EPHA5: variants seen among roughly 807,000 people sequenced by gnomAD.
EPHA5 encodes ephrin type-A receptor 5.
EPHA5 carries 60 observed loss-of-function variants against 105.0 expected under a neutral mutation model. The observed-to-expected ratio is 0.57, with a 90% CI of 0.46 to 0.71. EPHA5 has a LOEUF of 0.71. EPHA5 is among the 30% of genes least tolerant of loss of function. EPHA5 has a pLI of 0.00. For synonymous variants in EPHA5, 513 were observed against 449.1 expected (o/e 1.14, Z -1.80); for missense variants, 1,218 against 1,274.7 (o/e 0.96, Z 0.68).
chr4:65,627,704 G>C (rs934121255), intron 2 of EPHA5, among the ~76,000 whole-genome samples: 6 of 151,984 alleles, frequency 3.9e-5, no homozygotes. Context: ...ATAAAAATTA[G>C]CAAAATGCCA....
At chr4:65,365,559 G>A (rs113419709) in intron 10 of EPHA5, among the ~76,000 whole-genome samples, 133 of 146,000 alleles carry the variant, frequency 9.1e-4, no homozygotes, top group African/African-American at 2.6e-3. Flanking sequence ...GAAGAGAAAA[G>A]CCAACCAGGT....
chr4:65,522,882 G>A (rs896354343), intron 3 of EPHA5, among the ~76,000 whole-genome samples: 3 of 151,834 alleles, frequency 2.0e-5, no homozygotes, highest in African/African-American at 4.8e-5. Context: ...CCTATTACAC[G>A]TTTTATTTTA....
At position 65,329,060 on chromosome 4, in the gene EPHA5, C is replaced by T. The variant is rs73214248; in HGVS notation, c.2945+2913G>A. Among the ~76,000 whole-genome samples, 376 of 151,216 alleles carry T rather than the reference C, an allele frequency of 2.5e-3. 2 individuals are homozygous for T. Among genetic ancestry groups the T allele is most frequent in the African/African-American group, 7.9e-3 (329 of 41,402 alleles). On this transcript the variant is annotated intron_variant, in intron 16 of 16. Transcript: ENST00000613740. ...TAACCAAAGGCTGACAGTACTGATACGAAAATAAGTTTAAAAAGTAGCTGT... is the reference window on the plus strand; with the variant it reads ...TAACCAAAGGCTGACAGTACTGATATGAAAATAAGTTTAAAAAGTAGCTGT...
At chr4:65,474,618 T>C (rs747481348) in intron 5 of EPHA5, among the ~76,000 whole-genome samples, 1 of 152,168 alleles carries the variant, frequency 6.6e-6, no homozygotes, top group Non-Finnish European at 1.5e-5. Flanking sequence ...ATCAAAAACA[T>C]TTCACATCTT....
chr4:65,567,460 A>G (rs1266811218), intron 3 of EPHA5, among the ~76,000 whole-genome samples: 1 of 151,550 alleles, frequency 6.6e-6, no homozygotes, highest in Non-Finnish European at 1.5e-5. Context: ...TGGCTTTGTG[A>G]GTATTCTACC....
chr4:65,437,899 T>C (rs181868877), intron 5 of EPHA5, among the ~76,000 whole-genome samples: 18 of 152,086 alleles, frequency 1.2e-4, no homozygotes, highest in East Asian at 3.9e-4. Context: ...ATTTACATAG[T>C]TAAAATTTAA....
intron 8 of EPHA5, among the ~76,000 whole-genome samples, chr4:65,399,074 C>T (rs1721545455): frequency 6.6e-6 from 1 of 152,148 alleles, no homozygotes; most frequent in African/African-American, 2.4e-5. Flanking sequence ...TTTGGGGAGC[C>T]CAGACCTATG....
At chr4:65,596,124 A>T (rs1743156685) in intron 3 of EPHA5, among the ~76,000 whole-genome samples, 1 of 152,222 alleles carries the variant, frequency 6.6e-6, no homozygotes, top group Non-Finnish European at 1.5e-5. Context: ...TTCCAAATTT[A>T]AAGAAAAATG....
In EPHA5 at chr4:65,322,908, AAAATGGG is replaced by A. The variant is rs1719752472; in HGVS notation, c.*1199_*1205del. The A allele has an allele frequency of 4.4e-6, 1 of 229,284 alleles. No individual in the cohort carries two copies. Among genetic ancestry groups the A allele is most frequent in the South Asian group, 1.8e-4 (1 of 5,508 alleles). 14.2% of individuals were successfully genotyped at this position (229,284 alleles called of 1,614,324 possible). ...GAGTCAAAATTTCTAGAACTGAGTC[AAAATGGG>A]AATGGTTACAACGGATTAACACTTA... On this transcript the variant is annotated 3_prime_UTR_variant, in exon 17 of 17. Transcript: ENST00000613740.
intron 3 of EPHA5, among the ~76,000 whole-genome samples, chr4:65,584,461 A>G (rs1411058384): frequency 6.6e-6 from 1 of 151,922 alleles, no homozygotes; most frequent in Non-Finnish European, 1.5e-5. Context: ...TTTGAGTGGC[A>G]TGACACAGCC....
At chr4:65,335,472 C>T (rs1721085116) in intron 15 of EPHA5, among the ~76,000 whole-genome samples, 2 of 151,892 alleles carry the variant, frequency 1.3e-5, no homozygotes, top group South Asian at 2.1e-4. Flanking sequence ...AAAAGGGTCC[C>T]TAAAATTGTC....
chr4:65,389,010 C>T (rs4860656), intron 8 of EPHA5, among the ~76,000 whole-genome samples: 80,109 of 151,654 alleles, frequency 0.53, 21,597 homozygotes, highest in East Asian at 0.79. Flanking sequence ...TGAATTCATG[C>T]TAATTTGATG....
chr4:65,566,797 T>G (rs1427154271), intron 3 of EPHA5, among the ~76,000 whole-genome samples: 2 of 151,850 alleles, frequency 1.3e-5, no homozygotes, highest in East Asian at 1.9e-4. Flanking sequence ...TCCCCCAAAC[T>G]GTAACATCAC....
At chr4:65,588,341 T>C (rs893431140) in intron 3 of EPHA5, among the ~76,000 whole-genome samples, 4 of 152,174 alleles carry the variant, frequency 2.6e-5, no homozygotes, top group Non-Finnish European at 5.9e-5. Context: ...CTTTTTACAC[T>C]GCACTTGAAA....
At chr4:65,387,038 C>T (rs539427735) in intron 8 of EPHA5, among the ~76,000 whole-genome samples, 10 of 151,774 alleles carry the variant, frequency 6.6e-5, no homozygotes, top group South Asian at 6.3e-4. Context: ...CATCTAAGGA[C>T]GTGGCCATTA....
chr4:65,517,756 C>G (rs920642791), intron 3 of EPHA5, among the ~76,000 whole-genome samples: 1 of 151,818 alleles, frequency 6.6e-6, no homozygotes, highest in South Asian at 2.1e-4. Context: ...CTATACCTCA[C>G]ATTTATTCAA....
In EPHA5 at chr4:65,320,441, C is replaced by T. The variant is rs541896226; in HGVS notation, c.*3673G>A. 4.4e-6 allele frequency: 1 copy of T among 229,102 alleles called. No individual in the cohort carries two copies. The highest frequency in any genetic ancestry group is 1.8e-4 in the South Asian group (1 of 5,484). 14.2% of individuals were successfully genotyped at this position (229,102 alleles called of 1,614,324 possible). On this transcript the variant is annotated 3_prime_UTR_variant, in exon 17 of 17. Transcript: ENST00000613740. ...GCAAAGACAGTTTACTATCACACTT[C>T]TTTTTTTTCTTATTTTTAGGAAAAA...
intron 14 of EPHA5, among the ~76,000 whole-genome samples, chr4:65,344,778 G>A (rs899298104): frequency 6.6e-6 from 1 of 152,148 alleles, no homozygotes; most frequent in Non-Finnish European, 1.5e-5. Flanking sequence ...AGTAGTAAAT[G>A]GGTCTGGTCT....
At chr4:65,326,158 T>A (rs965159768) in intron 16 of EPHA5, among the ~76,000 whole-genome samples, 2 of 150,772 alleles carry the variant, frequency 1.3e-5, no homozygotes, top group African/African-American at 4.8e-5. Context: ...ACATCCTGTA[T>A]GCTAGAAATA....
Sources: gnomAD v4.1 joint callset for allele counts (sites outside exome capture counted in the v4.1 genomes callset) on GRCh38, gnomAD v4.1.1 for gene constraint, MANE v1.5 for transcripts, NCBI Gene and HGNC (gene_info 2026-07-23, HGNC 2026-07-21) for gene names.